LGMN: variants seen among roughly 807,000 people sequenced by gnomAD.
The protein encoded by LGMN is legumain, also known as asparaginyl endopeptidase.
A neutral mutation model predicts 56.8 loss-of-function variants in LGMN; 36 were observed. That is an observed-to-expected ratio of 0.63 (90% CI 0.49 to 0.84). LGMN has a LOEUF of 0.84. LGMN is among the 40% of genes least tolerant of loss of function. The probability of loss-of-function intolerance (pLI) is 0.00; values close to 1 mark genes in which losing one functional copy is unlikely to be tolerated. For synonymous variants in LGMN, 199 were observed against 210.1 expected (o/e 0.95, Z 0.46); for missense variants, 446 against 556.1 (o/e 0.80, Z 1.99).
chr14:92,723,792 T>C (rs1254153338), intron 2 of LGMN, among the ~76,000 whole-genome samples: 1 of 152,108 alleles, frequency 6.6e-6, no homozygotes, highest in East Asian at 1.9e-4. Context: ...AGTGCAGCAG[T>C]GTGATCATGG....
intron 2 of LGMN, among the ~76,000 whole-genome samples, chr14:92,719,495 T>C (rs1296822422): frequency 6.6e-6 from 1 of 152,152 alleles, no homozygotes; most frequent in Non-Finnish European, 1.5e-5. Flanking sequence ...GACTATATAA[T>C]AGTCTCTGGA....
chr14:92,723,161 C>T (rs934091653), intron 2 of LGMN, among the ~76,000 whole-genome samples: 1 of 152,076 alleles, frequency 6.6e-6, no homozygotes, highest in East Asian at 1.9e-4. Flanking sequence ...ATGCTACTGC[C>T]TCAGCCTCCT....
intron 10 of LGMN, among the ~76,000 whole-genome samples, chr14:92,710,414 C>G (rs1385470900): frequency 1.3e-5 from 2 of 152,318 alleles, no homozygotes; most frequent in East Asian, 3.9e-4. Flanking sequence ...AAGTCTGGGT[C>G]CACTGGGAAG....
Position 92,703,916 on chromosome 14 carries a change from G to A in LGMN, c.*403C>T. 1 of 504,940 alleles carries A rather than the reference G, an allele frequency of 2.0e-6. No homozygotes were observed. The highest frequency in any genetic ancestry group is 3.5e-6 in the Non-Finnish European group (1 of 285,024). 31.3% of individuals were successfully genotyped at this position (504,940 alleles called of 1,614,324 possible). ...TTTTCTAAAAACAGTTTTCCATTTG[G>A]GGCTTGCGGCCCTCTTCAATAAAAT... On this transcript the variant is annotated 3_prime_UTR_variant, in exon 14 of 14. Coordinates refer to ENST00000334869, the MANE Select transcript of LGMN (RefSeq NM_005606.7).
intron 4 of LGMN, 125 bp downstream of exon 4, chr14:92,717,255 G>A (rs148261597): frequency 2.2e-4 from 128 of 586,252 alleles, no homozygotes; most frequent in African/African-American, 9.2e-4. Flanking sequence ...ATCCTAATAC[G>A]AATGTGAAAC....
intron 2 of LGMN, among the ~76,000 whole-genome samples, chr14:92,730,823 G>A (rs1385975402): frequency 6.6e-6 from 1 of 151,874 alleles, no homozygotes; most frequent in Non-Finnish European, 1.5e-5. Context: ...TCAGCTACTC[G>A]GGAGGCTGAG....
At chr14:92,747,368 G>T (rs192762085) in intron 1 of LGMN, among the ~76,000 whole-genome samples, 1 of 152,220 alleles carries the variant, frequency 6.6e-6, no homozygotes, top group Non-Finnish European at 1.5e-5. Flanking sequence ...GCAGGTGCCT[G>T]TAATCCCAGA....
chr14:92,740,086 T>C (rs1891480581), intron 1 of LGMN, among the ~76,000 whole-genome samples: 1 of 152,090 alleles, frequency 6.6e-6, no homozygotes, highest in Non-Finnish European at 1.5e-5. Flanking sequence ...CCGTCTCTAC[T>C]AAAAATACAA....
At chr14:92,704,742 T>C (rs1355247675) in intron 12 of LGMN, 35 bp from the exon 13 acceptor site, 1 of 1,534,174 alleles carries the variant, frequency 6.5e-7, no homozygotes, top group Non-Finnish European at 9.0e-7. Context: ...TGAAACTTCC[T>C]CATCTCACCA....
At chr14:92,744,069 G>A (rs770501773) in intron 1 of LGMN, among the ~76,000 whole-genome samples, 7 of 151,712 alleles carry the variant, frequency 4.6e-5, no homozygotes, top group Admixed American at 1.3e-4. Flanking sequence ...AAGGAGAATC[G>A]CTTGAACCCG....
intron 5 of LGMN, among the ~76,000 whole-genome samples, chr14:92,715,147 C>T (rs1484066115): frequency 1.3e-5 from 2 of 151,906 alleles, no homozygotes; most frequent in African/African-American, 2.4e-5. Flanking sequence ...TATAGGCACA[C>T]GCCACCACGC....
At chr14:92,705,405 G>A (rs1595522373) in intron 12 of LGMN, among the ~76,000 whole-genome samples, 1 of 152,096 alleles carries the variant, frequency 6.6e-6, no homozygotes, top group Non-Finnish European at 1.5e-5. Context: ...GGGAGGCTGA[G>A]GCAGGAGAAT....
chr14:92,726,431 G>A (rs1001976773), intron 2 of LGMN, among the ~76,000 whole-genome samples: 1 of 151,926 alleles, frequency 6.6e-6, no homozygotes, highest in Non-Finnish European at 1.5e-5. Flanking sequence ...TCTACTATCT[G>A]GCCCTTTATA....
intron 1 of LGMN, among the ~76,000 whole-genome samples, chr14:92,746,711 G>A (rs1891834309): frequency 6.6e-6 from 1 of 152,134 alleles, no homozygotes; most frequent in East Asian, 1.9e-4. Context: ...GGAAGCCCTG[G>A]AAGATGTACC....
chr14:92,713,294 G>A (rs1395434010), intron 7 of LGMN, among the ~76,000 whole-genome samples: 1 of 152,000 alleles, frequency 6.6e-6, no homozygotes, highest in Admixed American at 6.6e-5. Context: ...TGCCCAGGCT[G>A]GTCTTAAACT....
chr14:92,717,168 G>A (rs1890113491), intron 4 of LGMN, among the ~76,000 whole-genome samples: 1 of 152,136 alleles, frequency 6.6e-6, no homozygotes, highest in Non-Finnish European at 1.5e-5. Context: ...AACTATCAGT[G>A]GATTGCAACT....
At position 92,714,395 on chromosome 14, in the gene LGMN, A is replaced by G. The variant is rs141510288; in HGVS notation, c.461T>C (p.Leu154Pro). ...YFTDHGSTGILVFPNEDLHVK... is the reference protein window; with the variant it reads ...YFTDHGSTGIPVFPNEDLHVK... ...ACTCACATCTTCATTGGGAAAAACC[A>G]GTATTCCAGTAGATCCATGGTCAGT... is the stretch of plus-strand genomic sequence containing the variant. Residue 154 changes from leucine (L) to proline (P), a missense_variant, in exon 6 of 14, where the codon CTG (leucine) becomes CCG (proline). Leu to Pro is a moderately conservative substitution (Grantham distance 98). Coordinates refer to ENST00000334869, the MANE Select transcript of LGMN (RefSeq NM_005606.7). The surrounding 1 kb of genome is among the most constrained non-coding windows in gnomAD (Gnocchi z 5.1). The G allele has an allele frequency of 6.2e-7, 1 of 1,610,446 alleles. No individual in the cohort carries two copies. The highest frequency in any genetic ancestry group is 2.2e-5 in the East Asian group (1 of 44,866).
At chr14:92,719,158 G>GCCACCACCA (rs71123370) in intron 2 of LGMN, among the ~76,000 whole-genome samples, 2 of 96,320 alleles carry the variant, frequency 2.1e-5, no homozygotes, top group East Asian at 3.1e-4. Flanking sequence ...CACCGCCACT[G>GCCACCACCA]CCACCACCAC....
At chr14:92,725,795 A>C (rs188571243) in intron 2 of LGMN, among the ~76,000 whole-genome samples, 3 of 151,856 alleles carry the variant, frequency 2.0e-5, no homozygotes, top group Admixed American at 2.0e-4. Context: ...GGCTGGTCTC[A>C]AACTCCTGAC....
Sources: allele counts gnomAD v4.1 joint callset (sites outside exome capture counted in the v4.1 genomes callset), GRCh38; gene constraint gnomAD v4.1.1; non-coding constraint Gnocchi (gnomAD v3.1); transcripts MANE v1.5; gene names NCBI Gene and HGNC (gene_info 2026-07-23, HGNC 2026-07-21).